The following CNGB1 variants were observed in gnomAD, a reference collection of about 807,000 sequenced individuals.
The protein encoded by CNGB1 is cyclic nucleotide gated channel subunit beta 1, also known as cyclic nucleotide-gated channel beta-1.
In CNGB1, 126 loss-of-function variants were observed where a neutral mutation model predicts 151.7. The ratio of observed to expected loss-of-function variants is 0.83; its 90% CI spans 0.72 to 0.96. CNGB1 has a LOEUF of 0.96. Among genes scored for constraint, CNGB1 ranks in the 40% least tolerant of loss-of-function variants. The pLI is 0.00. For synonymous variants in CNGB1, 623 were observed against 635.1 expected, an observed-to-expected ratio of 0.98 and a Z score of 0.29; for missense variants, 1,698 against 1,627.0, an observed-to-expected ratio of 1.04 and a Z score of -0.75.
Position 57,931,751 on chromosome 16 carries a change from G to A in CNGB1, c.1500C>T (p.Thr500=), listed in dbSNP as rs75406397. 1.0e-3 allele frequency: 1,634 copies of A among 1,614,146 alleles called. 29 individuals carry two copies. The African/African-American group carries it at 0.019, about 19-fold the overall frequency. The change falls in exon 17 of 33, where the codon ACC becomes ACT. Residue 500 remains threonine, a synonymous_variant. Transcript: ENST00000251102. ...LPPPSPAKSD[T]LIVPSSASGT... ...CCGAGGCTGAGCTTGGGACTATAAGGGTGTCTGATTTGGCAGGAGACGGTG... is the reference window on the plus strand; with the variant it reads ...CCGAGGCTGAGCTTGGGACTATAAGAGTGTCTGATTTGGCAGGAGACGGTG...
intron 14 of CNGB1, among the ~76,000 whole-genome samples, chr16:57,948,800 T>C (rs1487793307): frequency 6.6e-6 from 1 of 152,136 alleles, no homozygotes; most frequent in East Asian, 1.9e-4. Flanking sequence ...ATCTCCAGTG[T>C]TTAATTTTTA....
chr16:57,958,281 G>T, intron 11 of CNGB1, 129 bp downstream of exon 11: 1 of 506,438 alleles, frequency 2.0e-6, no homozygotes, highest in Non-Finnish European at 3.3e-6. Context: ...AATGAACGTG[G>T]GCCATGCAGA....
intron 25 of CNGB1, among the ~76,000 whole-genome samples, chr16:57,908,859 T>G (rs867513481): frequency 3.3e-5 from 5 of 152,202 alleles, no homozygotes; most frequent in Non-Finnish European, 5.9e-5. Context: ...TTGCTGGCTG[T>G]CTGCTGCCTG....
intron 16 of CNGB1, 94 bp from the exon 17 acceptor site, chr16:57,931,972 TG>T: frequency 7.3e-7 from 1 of 1,363,998 alleles, no homozygotes; most frequent in East Asian, 2.3e-5. Context: ...AGAGAAAGCA[TG>T]TTTGGAGGGG....
chr16:57,909,060 G>C (rs1357745900), intron 25 of CNGB1, among the ~76,000 whole-genome samples: 1 of 152,156 alleles, frequency 6.6e-6, no homozygotes, highest in Admixed American at 6.5e-5. Context: ...CTTGAGCTCA[G>C]GAAGCCGAGA....
At chr16:57,957,275 C>G in intron 12 of CNGB1, 66 bp downstream of exon 12, 1 of 1,502,974 alleles carries the variant, frequency 6.7e-7, no homozygotes, top group African/African-American at 1.4e-5. Context: ...CACATACAGT[C>G]AGACCCAAGG....
Position 57,931,741 on chromosome 16 carries a change from G to C in CNGB1, c.1510C>G (p.Pro504Ala). 6.2e-7 allele frequency: 1 copy of C among 1,614,104 alleles called. No homozygotes were observed. Among genetic ancestry groups the C allele is most frequent in the South Asian group, 1.1e-5 (1 of 91,076 alleles). ...CTGTGTGTCCCCGAGGCTGAGCTTGGGACTATAAGGGTGTCTGATTTGGCA... is the reference window on the plus strand; with the variant it reads ...CTGTGTGTCCCCGAGGCTGAGCTTGCGACTATAAGGGTGTCTGATTTGGCA... ...SPAKSDTLIV[P>A]SSASGTHRKK... is the part of the protein sequence containing the mutation. Residue 504 changes from proline to alanine, a missense_variant, in exon 17 of 33, where the codon CCA (proline) becomes GCA (alanine). Coordinates refer to ENST00000251102, the MANE Select transcript of CNGB1 (RefSeq NM_001297.5).
chr16:57,895,221 A>G lies in CNGB1; in HGVS notation c.3242+2176T>C, dbSNP rs191917271. ...GCAACTCTGGGAAGCCAAGGCAGGCAGATCACCTGAGGTCAGGAGTTTGAG... is the reference window on the plus strand; with the variant it reads ...GCAACTCTGGGAAGCCAAGGCAGGCGGATCACCTGAGGTCAGGAGTTTGAG... On this transcript the variant is annotated intron_variant, in intron 31 of 32. Transcript: ENST00000251102. 1.3e-3 allele frequency among the ~76,000 whole-genome samples: 198 copies of G among 152,292 alleles called. 4 individuals are homozygous for G. In the South Asian group the frequency reaches 0.031, roughly 24 times the overall value.
At position 57,957,344 on chromosome 16, in the gene CNGB1, T is replaced by G. The variant is rs1962115240; in HGVS notation, c.871A>C (p.Thr291Pro). Reference protein sequence around the residue: ...PDSPGICDVQTISILPGGQVE... With the variant: ...PDSPGICDVQPISILPGGQVE... ...GACTCAGTAATGTGTCACTTACTGG[T>G]CTGCACATCACATATCCCAGGGGAG... is the stretch of plus-strand genomic sequence containing the variant. The change falls in exon 12 of 33, where the codon ACC (threonine) becomes CCC (proline). Residue 291 changes from threonine to proline, a missense_variant. Physicochemically the swap from Thr to Pro is conservative, Grantham distance 38. Transcript: ENST00000251102. The G allele has an allele frequency of 1.9e-6, 3 of 1,614,014 alleles. No individual in the cohort carries two copies. Among genetic ancestry groups the G allele is most frequent in the Non-Finnish European group, 2.5e-6 (3 of 1,179,854 alleles).
chr16:57,934,432 C>T (rs1167145549), intron 16 of CNGB1, among the ~76,000 whole-genome samples: 1 of 152,068 alleles, frequency 6.6e-6, no homozygotes, highest in African/African-American at 2.4e-5. Flanking sequence ...GAGACCCTGT[C>T]TCACAAAATA....
At chr16:57,933,753 C>T (rs1469977150) in intron 16 of CNGB1, among the ~76,000 whole-genome samples, 5 of 142,326 alleles carry the variant, frequency 3.5e-5, no homozygotes, top group African/African-American at 1.1e-4. Flanking sequence ...GATGGAGTCT[C>T]GCTCTGTCGC....
chr16:57,936,949 T>TC (rs1301970671), intron 16 of CNGB1: 1 of 152,208 alleles, frequency 6.6e-6, no homozygotes, highest in Non-Finnish European at 1.5e-5. Flanking sequence ...AAGGTATTGA[T>TC]CGGCAGAGGA....
intron 17 of CNGB1, among the ~76,000 whole-genome samples, chr16:57,926,496 G>A (rs1961192981): frequency 6.6e-6 from 1 of 152,238 alleles, no homozygotes; most frequent in Non-Finnish European, 1.5e-5. Flanking sequence ...CTTGATTCCA[G>A]AAGGCTCTGA....
intron 11 of CNGB1, 122 bp downstream of exon 11, chr16:57,958,288 C>T: frequency 2.4e-6 from 2 of 848,980 alleles, no homozygotes; most frequent in Non-Finnish European, 4.0e-6. Context: ...GTGGGCCATG[C>T]AGACAGGAAG....
intron 17 of CNGB1, among the ~76,000 whole-genome samples, chr16:57,925,387 G>C (rs766259729): frequency 1.3e-5 from 2 of 152,218 alleles, no homozygotes; most frequent in Non-Finnish European, 2.9e-5. Context: ...TTGAACCTGA[G>C]TGTACCAAAA....
At chr16:57,970,451 C>G (rs1962512066) in intron 1 of CNGB1, among the ~76,000 whole-genome samples, 1 of 152,220 alleles carries the variant, frequency 6.6e-6, no homozygotes, top group Non-Finnish European at 1.5e-5. Flanking sequence ...TGAAGCAGCA[C>G]AGCCGGCAGT....
chr16:57,902,983 G>T (rs1392982086), intron 27 of CNGB1, among the ~76,000 whole-genome samples: 1 of 152,100 alleles, frequency 6.6e-6, no homozygotes, highest in Non-Finnish European at 1.5e-5. Flanking sequence ...TGACATGCCC[G>T]TAGTCTTGTA....
At chr16:57,943,602 G>A (rs1487313091) in intron 14 of CNGB1, among the ~76,000 whole-genome samples, 4 of 152,076 alleles carry the variant, frequency 2.6e-5, no homozygotes, top group Non-Finnish European at 4.4e-5. Flanking sequence ...CCCAGGAGGC[G>A]GAGGTTGCAG....
chr16:57,948,533 C>G (rs577054516), intron 14 of CNGB1, among the ~76,000 whole-genome samples: 290 of 152,162 alleles, frequency 1.9e-3, no homozygotes, highest in African/African-American at 6.6e-3. Flanking sequence ...GCCTCCTCCT[C>G]AGTCCTTTTT....
Sources: allele counts gnomAD v4.1 joint callset (sites outside exome capture counted in the v4.1 genomes callset), GRCh38; gene constraint gnomAD v4.1.1; transcripts MANE v1.5; gene names NCBI Gene and HGNC (gene_info 2026-07-23, HGNC 2026-07-21).